The following REV1 variants were observed in gnomAD, a reference collection of about 807,000 sequenced individuals.
REV1 encodes the protein translesion synthesis protein REV1.
Under a neutral mutation model 137.4 loss-of-function variants are expected in REV1, and 42 were observed. The observed-to-expected ratio is 0.31, with a 90% confidence interval of 0.24 to 0.40. The LOEUF is 0.40. REV1 is among the 10% of genes least tolerant of loss of function. The pLI is 1.00. For missense variants in REV1, 1,282 were observed against 1,490.1 expected (o/e 0.86, Z 2.30); for synonymous variants, 524 against 519.2 (o/e 1.01, Z -0.12).
At chr2:99,415,911 G>A (rs556122142) in intron 12 of REV1, among the ~76,000 whole-genome samples, 6 of 152,242 alleles carry the variant, frequency 3.9e-5, no homozygotes, top group Non-Finnish European at 7.3e-5. Flanking sequence ...TGTAATAGTC[G>A]TTGGGGTCAA....
intron 12 of REV1, among the ~76,000 whole-genome samples, chr2:99,414,386 A>C (rs1222981978): frequency 2.0e-5 from 3 of 152,206 alleles, no homozygotes; most frequent in Non-Finnish European, 4.4e-5. Flanking sequence ...GCTCGTTCAC[A>C]ATTGTGCCAT....
At chr2:99,474,522 A>C (rs1336799285) in intron 1 of REV1, among the ~76,000 whole-genome samples, 1 of 152,226 alleles carries the variant, frequency 6.6e-6, no homozygotes, top group African/African-American at 2.4e-5. Flanking sequence ...AACAGTCTGG[A>C]TCATAATAGA....
At chr2:99,443,733 A>C (rs1681807597) in intron 4 of REV1, among the ~76,000 whole-genome samples, 1 of 152,244 alleles carries the variant, frequency 6.6e-6, no homozygotes, top group South Asian at 2.1e-4. Flanking sequence ...TTTTACCAAA[A>C]TTCAGGTTAC....
chr2:99,436,230 CTT>C (rs970244415), intron 6 of REV1, among the ~76,000 whole-genome samples: 6 of 152,150 alleles, frequency 3.9e-5, no homozygotes, highest in African/African-American at 1.4e-4. Flanking sequence ...CTAAGTAAAA[CTT>C]TTTTTGATGA....
chr2:99,466,826 A>G (rs1214913680), intron 1 of REV1, among the ~76,000 whole-genome samples: 11 of 152,146 alleles, frequency 7.2e-5, no homozygotes. Flanking sequence ...TGAATACCCA[A>G]TGTGCTCATT....
In REV1 at chr2:99,401,294, T is replaced by G. The variant is rs1675362120; in HGVS notation, c.3703A>C (p.Asn1235His). ...WNMAFDFILD[N>H]VQVVLQQTYG... ...GTTTGTTGTAAAACCACCTGGACAT[T>G]GTCAAGAATAAAGTCAAATGCCATA... The change falls in exon 23 of 23, where the codon AAT (asparagine) becomes CAT (histidine). Residue 1235 changes from asparagine (N) to histidine (H), a missense_variant. Around this residue, in one of 7 missense-constraint regions of REV1, gnomAD observed 43 missense variants for 79.1 expected, o/e 0.54. Transcript: ENST00000258428. 1.2e-6 allele frequency: 2 copies of G among 1,613,780 alleles called. No individual in the cohort carries two copies. The highest frequency in any genetic ancestry group is 1.7e-6 in the Non-Finnish European group (2 of 1,179,866).
In REV1 at chr2:99,404,696, A is replaced by G. The variant is rs980726363; in HGVS notation, c.2812-19T>C. 2 of 1,559,376 alleles carry G rather than the reference A, an allele frequency of 1.3e-6. No homozygotes were observed. The highest frequency in any genetic ancestry group is 4.5e-5 in the East Asian group (2 of 44,618). On this transcript the variant is annotated intron_variant, in intron 17 of 22. Transcript: ENST00000258428. ...GATCCAGCTATAAAATGCCAAACATATGAGTAGGAAGTTAAAGCATGCTCA... is the reference window on the plus strand; with the variant it reads ...GATCCAGCTATAAAATGCCAAACATGTGAGTAGGAAGTTAAAGCATGCTCA...
chr2:99,403,849 AG>A, intron 18 of REV1, 34 bp from the exon 19 acceptor site: 2 of 1,609,938 alleles, frequency 1.2e-6, no homozygotes, highest in Non-Finnish European at 1.7e-6. Context: ...GTCAAACCTG[AG>A]CTAATTGTAG....
At chr2:99,483,835 C>T (rs1686872765) in intron 1 of REV1, among the ~76,000 whole-genome samples, 1 of 152,074 alleles carries the variant, frequency 6.6e-6, no homozygotes, top group Non-Finnish European at 1.5e-5. Flanking sequence ...TCTTATTTCT[C>T]CTCTTTAGCA....
At chr2:99,411,730 A>G (rs1677181030) in intron 13 of REV1, among the ~76,000 whole-genome samples, 1 of 151,080 alleles carries the variant, frequency 6.6e-6, no homozygotes, top group African/African-American at 2.5e-5. Flanking sequence ...TTTCTATGCC[A>G]TCACTGACTT....
chr2:99,434,938 T>C (rs868222143), intron 7 of REV1, among the ~76,000 whole-genome samples: 3 of 152,198 alleles, frequency 2.0e-5, no homozygotes, highest in African/African-American at 4.8e-5. Flanking sequence ...CCCTCAATTT[T>C]TGCTTTAGTA....
intron 14 of REV1, 131 bp downstream of exon 14, chr2:99,410,564 T>C (rs1676993009): frequency 2.6e-6 from 2 of 783,360 alleles, no homozygotes; most frequent in South Asian, 4.0e-5. Flanking sequence ...GATGCCTGCT[T>C]CTACAGAATA....
chr2:99,414,603 G>C (rs1209111898), intron 12 of REV1, among the ~76,000 whole-genome samples: 1 of 152,230 alleles, frequency 6.6e-6, no homozygotes, highest in Non-Finnish European at 1.5e-5. Flanking sequence ...TAGACACTTT[G>C]CACAGCTATT....
intron 12 of REV1, among the ~76,000 whole-genome samples, chr2:99,416,209 T>C (rs182613339): frequency 3.2e-4 from 49 of 152,370 alleles, no homozygotes; most frequent in African/African-American, 9.9e-4. Context: ...AAGATATAAA[T>C]AGGTACTGTA....
In REV1 at chr2:99,402,561, T is replaced by C. The variant is rs1675618595; in HGVS notation, c.3541+83A>G. On this transcript the variant is annotated intron_variant, in intron 21 of 22. Transcript: ENST00000258428. ...CAGAGTTAGAGAAATGGGTTAAATC[T>C]GCATAGTTTAGTCTGTTTATGTTCT... 11 of 1,343,522 alleles carry C rather than the reference T, an allele frequency of 8.2e-6. No individual in the cohort carries two copies. In the East Asian group the frequency reaches 2.5e-4, roughly 31 times the overall value. The allele number at this position is 1,343,522 out of a possible 1,614,324, so 83.2% of individuals were successfully genotyped here. A position where few individuals can be genotyped will look rare whatever the true frequency, so the allele number is the denominator to read the frequency against.
intron 1 of REV1, among the ~76,000 whole-genome samples, chr2:99,473,860 T>G (rs1318412413): frequency 6.6e-6 from 1 of 152,262 alleles, no homozygotes; most frequent in Non-Finnish European, 1.5e-5. Flanking sequence ...CCATCTTTTC[T>G]TGGGACATTC....
intron 1 of REV1, among the ~76,000 whole-genome samples, chr2:99,466,179 C>A (rs1684779094): frequency 6.6e-6 from 1 of 152,192 alleles, no homozygotes; most frequent in Non-Finnish European, 1.5e-5. Flanking sequence ...TCTCCATCTC[C>A]TGACCTCGTG....
At chr2:99,417,746 C>G (rs1479485118) in intron 12 of REV1, among the ~76,000 whole-genome samples, 1 of 152,062 alleles carries the variant, frequency 6.6e-6, no homozygotes, top group Non-Finnish European at 1.5e-5. Flanking sequence ...GTTATGGCAC[C>G]CCTAGAAAAC....
chr2:99,484,114 T>G (rs775078007), intron 1 of REV1, among the ~76,000 whole-genome samples: 10 of 152,186 alleles, frequency 6.6e-5, no homozygotes, highest in Non-Finnish European at 1.2e-4. Flanking sequence ...CTTAGCAAAC[T>G]AACACACGAA....
Sources: allele counts gnomAD v4.1 joint callset (sites outside exome capture counted in the v4.1 genomes callset), GRCh38; gene constraint gnomAD v4.1.1; regional missense constraint gnomAD v4.1.1; transcripts MANE v1.5; gene names NCBI Gene and HGNC (gene_info 2026-07-23, HGNC 2026-07-21).